ADGRG6: variants seen among roughly 807,000 people sequenced by gnomAD.
ADGRG6 encodes G-protein coupled receptor 126.
Under a neutral mutation model 142.4 loss-of-function variants are expected in ADGRG6, and 84 were observed. The ratio of observed to expected loss-of-function variants is 0.59; its 90% CI spans 0.49 to 0.71. The LOEUF (loss-of-function observed/expected upper bound fraction) is 0.71, where lower values mean the gene tolerates loss of function less well. ADGRG6 is among the 30% of genes least tolerant of loss of function. The pLI is 0.00. For missense variants in ADGRG6, 1,367 were observed against 1,466.6 expected (o/e 0.93, Z 1.11); for synonymous variants, 521 against 520.5 (o/e 1.00, Z -0.01).
chr6:142,338,008 TGTA>T (rs1562320899), intron 2 of ADGRG6, among the ~76,000 whole-genome samples: 1 of 100,078 alleles, frequency 1.0e-5, no homozygotes, highest in East Asian at 2.8e-4. Context: ...TTTTATGCCT[TGTA>T]TCTTTGTTTT....
intron 1 of ADGRG6, 112 bp downstream of exon 1, chr6:142,302,443 C>A: frequency 8.9e-7 from 1 of 1,127,930 alleles, no homozygotes; most frequent in Non-Finnish European, 1.3e-6. Flanking sequence ...ATAAGGACTT[C>A]AACTGCACGG....
chr6:142,363,386 A>G lies in ADGRG6; in HGVS notation c.104-4183A>G, dbSNP rs1451301148. ...ATTATTAAATCTATATCAAAATGTT[A>G]TTTATCAATTGAATTAGGCTTTGGC... is the stretch of plus-strand genomic sequence containing the variant. On this transcript the variant is annotated intron_variant, in intron 2 of 24. Transcript: ENST00000367609. Among the ~76,000 whole-genome samples, 3 of 152,172 alleles carry G rather than the reference A, an allele frequency of 2.0e-5. No individual in the cohort carries two copies. The East Asian group carries it at 5.8e-4, about 29-fold the overall frequency.
intron 2 of ADGRG6, among the ~76,000 whole-genome samples, chr6:142,333,711 C>A (rs898557864): frequency 6.6e-6 from 1 of 152,104 alleles, no homozygotes. Flanking sequence ...GGGTTCTTAT[C>A]TTTTCAAGAT....
In ADGRG6 at chr6:142,318,167, ATATATTTATATATTATATAT is replaced by A; in HGVS notation, c.103+8529_103+8548del. Among the ~76,000 whole-genome samples, 12 of 55,120 alleles carry A rather than the reference ATATATTTATATATTATATAT, an allele frequency of 2.2e-4. 2 individuals carry two copies. Among genetic ancestry groups the A allele is most frequent in the African/African-American group, 6.8e-4 (9 of 13,206 alleles). The allele number at this position is 55,120 out of a possible 152,430, so 36.2% of individuals were successfully genotyped here. Reference sequence around the variant, plus strand: ...ATATATATTATATATTATATATATTATATATTTATATATTATATATTATATATTTATATTATATATATTTA... The same window carrying A: ...ATATATATTATATATTATATATATTATATATATTTATATTATATATATTTA... On this transcript the variant is annotated intron_variant, in intron 2 of 24. Coordinates refer to ENST00000367609, the MANE Select transcript of ADGRG6 (RefSeq NM_198569.3).
At chr6:142,353,060 G>A (rs1468188953) in intron 2 of ADGRG6, among the ~76,000 whole-genome samples, 1 of 152,128 alleles carries the variant, frequency 6.6e-6, no homozygotes, top group Non-Finnish European at 1.5e-5. Flanking sequence ...CAGTGTCACA[G>A]TATGAACTCA....
chr6:142,422,315 TC>T (rs1394547355), intron 22 of ADGRG6, among the ~76,000 whole-genome samples: 1 of 151,828 alleles, frequency 6.6e-6, no homozygotes, highest in African/African-American at 2.4e-5. Flanking sequence ...CCCTCCCTGC[TC>T]CCCCCACCCC....
At chr6:142,330,376 T>A (rs1246375723) in intron 2 of ADGRG6, among the ~76,000 whole-genome samples, 1 of 151,974 alleles carries the variant, frequency 6.6e-6, no homozygotes, top group Non-Finnish European at 1.5e-5. Flanking sequence ...GGAAAAAAAA[T>A]TCGGTGGTGA....
At chr6:142,340,625 A>G (rs1562323191) in intron 2 of ADGRG6, among the ~76,000 whole-genome samples, 1 of 152,130 alleles carries the variant, frequency 6.6e-6, no homozygotes, top group Non-Finnish European at 1.5e-5. Context: ...TGAAGAGATA[A>G]AGAGATTTCC....
intron 2 of ADGRG6, among the ~76,000 whole-genome samples, chr6:142,346,393 T>A (rs186012397): frequency 5.3e-5 from 8 of 152,358 alleles, no homozygotes; most frequent in African/African-American, 1.2e-4. Context: ...CATTCTCTAA[T>A]GACCAGTCAT....
At chr6:142,377,425 C>T (rs1450297876) in intron 4 of ADGRG6, among the ~76,000 whole-genome samples, 2 of 152,194 alleles carry the variant, frequency 1.3e-5, no homozygotes, top group Admixed American at 6.5e-5. Context: ...CTCCAGTCCT[C>T]TATGGGCAGG....
chr6:142,318,367 A>ATAT lies in ADGRG6; in HGVS notation c.103+8724_103+8726dup, dbSNP rs1562308013. 2.2e-3 allele frequency among the ~76,000 whole-genome samples: 226 copies of ATAT among 101,802 alleles called. 5 individuals carry two copies. Among genetic ancestry groups the ATAT allele is most frequent in the African/African-American group, 8.7e-3 (218 of 25,200 alleles). The allele number at this position is 101,802 out of a possible 152,430, so 66.8% of individuals were successfully genotyped here. ...TATATTTATATATTATATAATATTT[A>ATAT]TATATATTTATATATTTATATATTA... On this transcript the variant is annotated intron_variant, in intron 2 of 24. Transcript: ENST00000367609.
intron 2 of ADGRG6, among the ~76,000 whole-genome samples, chr6:142,321,194 T>TA (rs1288598350): frequency 1.3e-5 from 2 of 151,686 alleles, no homozygotes; most frequent in South Asian, 2.1e-4. Context: ...TGAATTAAAT[T>TA]AAAAAAATGG....
intron 2 of ADGRG6, among the ~76,000 whole-genome samples, chr6:142,324,932 A>G (rs1373488596): frequency 6.6e-6 from 1 of 152,136 alleles, no homozygotes; most frequent in Non-Finnish European, 1.5e-5. Context: ...GACATTTATA[A>G]TTAAGGCAAC....
intron 2 of ADGRG6, among the ~76,000 whole-genome samples, chr6:142,324,381 T>C (rs544395850): frequency 6.6e-6 from 1 of 152,206 alleles, no homozygotes; most frequent in South Asian, 2.1e-4. Context: ...TTCTAAGCTA[T>C]TTCCACTACT....
rs10632214 is a variant in ADGRG6 at position 142,321,286 on chromosome 6, T to TACACACAC, written c.103+11661_103+11668dup. 7.3e-3 allele frequency among the ~76,000 whole-genome samples: 1,075 copies of TACACACAC among 147,832 alleles called. 5 individuals are homozygous for TACACACAC. Among genetic ancestry groups the TACACACAC allele is most frequent in the Middle Eastern group, 0.017 (5 of 290 alleles). On this transcript the variant is annotated intron_variant, in intron 2 of 24. Transcript: ENST00000367609. ...TTATGTTTCCAAAAATAAGCATGCA[T>TACACACAC]ACACACACACACACACACACACACA...
intron 22 of ADGRG6, among the ~76,000 whole-genome samples, chr6:142,433,694 G>A (rs775145282): frequency 6.6e-5 from 10 of 152,156 alleles, no homozygotes; most frequent in Non-Finnish European, 1.2e-4. Context: ...GGACCTTCAC[G>A]AGGTGCTTGT....
intron 2 of ADGRG6, among the ~76,000 whole-genome samples, chr6:142,357,478 A>T (rs752600411): frequency 9.9e-5 from 15 of 152,250 alleles, no homozygotes; most frequent in Non-Finnish European, 1.9e-4. Flanking sequence ...TATTACTAAG[A>T]TGTTTACATA....
rs183722862 is a variant in ADGRG6, at chr6:142,308,946, T to C, written c.3-598T>C. Among the ~76,000 whole-genome samples, 169 of 152,052 alleles carry C rather than the reference T, an allele frequency of 1.1e-3. 1 individual carries two copies. Among genetic ancestry groups the C allele is most frequent in the Middle Eastern group, 3.4e-3 (1 of 294 alleles). On this transcript the variant is annotated intron_variant, in intron 1 of 24. Transcript: ENST00000367609. The stretch of plus-strand genomic sequence containing the variant: ...ATCTAATGTCATTTACTACTTTCTA[T>C]AATACCTGGTGTTCAATAGCCATTT...
intron 2 of ADGRG6, among the ~76,000 whole-genome samples, chr6:142,315,741 G>A (rs1426588129): frequency 1.3e-5 from 2 of 151,936 alleles, no homozygotes; most frequent in African/African-American, 2.4e-5. Context: ...TGAGGCAGGA[G>A]AATCACTTGA....
Sources: gnomAD v4.1 joint callset for allele counts (sites outside exome capture counted in the v4.1 genomes callset) on GRCh38, gnomAD v4.1.1 for gene constraint, MANE v1.5 for transcripts, NCBI Gene and HGNC (gene_info 2026-07-23, HGNC 2026-07-21) for gene names.